The following GPCPD1 variants were observed in gnomAD, a reference collection of about 807,000 sequenced individuals.
The protein encoded by GPCPD1 is glycerophosphocholine phosphodiesterase GPCPD1.
Under a neutral mutation model 89.2 loss-of-function variants are expected in GPCPD1, and 29 were observed. That is an observed-to-expected ratio of 0.33 (90% CI 0.24 to 0.44). GPCPD1 has a LOEUF of 0.44. GPCPD1 is among the 20% of genes least tolerant of loss of function. GPCPD1 has a pLI of 1.00. For missense variants in GPCPD1, 594 were observed against 808.9 expected (o/e 0.73, Z 3.22); for synonymous variants, 258 against 266.3 (o/e 0.97, Z 0.30).
intron 8 of GPCPD1, among the ~76,000 whole-genome samples, chr20:5,577,291 G>T (rs1435515879): frequency 6.6e-6 from 1 of 151,602 alleles, no homozygotes; most frequent in East Asian, 1.9e-4. Context: ...AAAGTGCTGG[G>T]ATTACAAGCA....
At position 5,580,018 on chromosome 20, in the gene GPCPD1, A is replaced by T; in HGVS notation, c.463T>A (p.Ser155Thr). The change falls in exon 7 of 20, where the codon TCT becomes ACT. Residue 155 changes from serine to threonine, a missense_variant. Physicochemically the swap from Ser to Thr is moderately conservative, Grantham distance 58. Transcript: ENST00000379019. The part of the protein sequence containing the change: ...VSITKKKLKK[S>T]RFRVKLTLEG... ...TAAACATGGTCATACCTAAATCTAG[A>T]TTTTTTTAATTTTTTCTTGGTTATT... 2 of 1,534,180 alleles carry T rather than the reference A, an allele frequency of 1.3e-6. No homozygotes were observed. The highest frequency in any genetic ancestry group is 1.8e-6 in the Non-Finnish European group (2 of 1,111,816).
At chr20:5,604,688 C>A (rs1232761436) in intron 1 of GPCPD1, among the ~76,000 whole-genome samples, 1 of 124,740 alleles carries the variant, frequency 8.0e-6, no homozygotes, top group Non-Finnish European at 1.6e-5. Flanking sequence ...GCCTGTAATA[C>A]AAACACTTAA....
chr20:5,551,486 T>C (rs1476385567), intron 19 of GPCPD1, among the ~76,000 whole-genome samples: 1 of 152,136 alleles, frequency 6.6e-6, no homozygotes, highest in Non-Finnish European at 1.5e-5. Flanking sequence ...TGTTCCTAAA[T>C]AGCAGTCTAA....
chr20:5,554,541 T>A (rs2122548341), intron 19 of GPCPD1, among the ~76,000 whole-genome samples: 1 of 152,302 alleles, frequency 6.6e-6, no homozygotes, highest in Non-Finnish European at 1.5e-5. Flanking sequence ...AAAGTCTGGA[T>A]GACAACACAT....
At chr20:5,581,502 T>C (rs563883936) in intron 6 of GPCPD1, among the ~76,000 whole-genome samples, 12 of 152,326 alleles carry the variant, frequency 7.9e-5, no homozygotes, top group Admixed American at 5.2e-4. Flanking sequence ...CTGCAACTAG[T>C]TATGCCACTA....
In GPCPD1 at chr20:5,586,273, C is replaced by T. The variant is rs200958158; in HGVS notation, c.232-4G>A. ...CTTGACATGGACCACCGATAGTCTG[C>T]AATTTAAAAGTTAAACGTCTGCAAT... On this transcript the variant is annotated splice_region_variant and splice_polypyrimidine_tract_variant and intron_variant, in intron 4 of 19. Transcript: ENST00000379019. The T allele has an allele frequency of 1.6e-4, 241 of 1,553,514 alleles. No homozygotes were observed. Among genetic ancestry groups the T allele is most frequent in the Non-Finnish European group, 1.6e-5 (18 of 1,125,884 alleles).
rs1221725665 is a variant in GPCPD1 at position 5,557,998 on chromosome 20, A to G, written c.1776T>C (p.Pro592=). The stretch of plus-strand genomic sequence containing the variant: ...GTTCCTTCAATTTCCTTCTGTTTTC[A>G]GGATCATTGGTATCATCACCCCAGC... ...IFCWGDDTND[P]ENRRKLKELG... Residue 592 remains proline, a synonymous_variant, in exon 19 of 20, where the codon CCT becomes CCC. Transcript: ENST00000379019. 1 of 1,602,192 alleles carries G rather than the reference A, an allele frequency of 6.2e-7. No individual in the cohort carries two copies. Among genetic ancestry groups the G allele is most frequent in the Admixed American group, 1.7e-5 (1 of 59,856 alleles).
At chr20:5,590,411 T>G (rs910359821) in intron 4 of GPCPD1, among the ~76,000 whole-genome samples, 3 of 151,644 alleles carry the variant, frequency 2.0e-5, no homozygotes, top group Admixed American at 2.0e-4. Context: ...GGCATAGTGG[T>G]TGCATGCCTG....
At chr20:5,547,913 C>A (rs1253006889) in intron 19 of GPCPD1, 63 bp from the exon 20 acceptor site, 5 of 752,344 alleles carry the variant, frequency 6.6e-6, no homozygotes, top group Non-Finnish European at 1.0e-5. Context: ...CTAAGACCTG[C>A]CTGACTCAAC....
chr20:5,610,272 C>CA, intron 1 of GPCPD1, among the ~76,000 whole-genome samples: 1 of 152,300 alleles, frequency 6.6e-6, no homozygotes, highest in South Asian at 2.1e-4. Context: ...CGAGGGCACT[C>CA]ATGACTATTC....
chr20:5,561,495 G>A lies in GPCPD1; in HGVS notation c.1365C>T (p.Asn455=). ...GCTGGCAGATCCATTTTATTTCAAT[G>A]TTAAACCCTACATCTTCTGGCAAAG... is the stretch of plus-strand genomic sequence containing the variant. ...LESLPEDVGF[N]IEIKWICQQR... The change falls in exon 16 of 20, where the codon AAC becomes AAT. Residue 455 remains asparagine, a synonymous_variant. Transcript: ENST00000379019. 6.2e-7 allele frequency: 1 copy of A among 1,601,022 alleles called. No homozygotes were observed. Among genetic ancestry groups the A allele is most frequent in the Non-Finnish European group, 8.6e-7 (1 of 1,169,224 alleles).
intron 14 of GPCPD1, 55 bp downstream of exon 14, chr20:5,566,678 A>T: frequency 9.6e-7 from 1 of 1,039,914 alleles, no homozygotes; most frequent in Non-Finnish European, 1.5e-6. Flanking sequence ...CGATTTTAAA[A>T]ATCCTATTAA....
intron 12 of GPCPD1, among the ~76,000 whole-genome samples, chr20:5,569,376 G>A (rs1453907838): frequency 2.0e-5 from 3 of 152,122 alleles, no homozygotes; most frequent in South Asian, 2.1e-4. Context: ...CTAAGTCCCC[G>A]AGAAATCACT....
chr20:5,585,148 G>A (rs970070873), intron 5 of GPCPD1: 1 of 152,116 alleles, frequency 6.6e-6, no homozygotes, highest in Admixed American at 6.5e-5. Context: ...ACTGCAAGAT[G>A]CTTTAAAATA....
At chr20:5,564,389 T>C (rs1986257322) in intron 15 of GPCPD1, among the ~76,000 whole-genome samples, 1 of 151,808 alleles carries the variant, frequency 6.6e-6, no homozygotes, top group African/African-American at 2.4e-5. Context: ...CCTATACCTG[T>C]GCCCTCTCCT....
At chr20:5,583,152 A>G (rs1201709096) in intron 6 of GPCPD1, among the ~76,000 whole-genome samples, 1 of 140,234 alleles carries the variant, frequency 7.1e-6, no homozygotes, top group Non-Finnish European at 1.5e-5. Flanking sequence ...TGAACCTGGG[A>G]GGCAGAGAGT....
intron 12 of GPCPD1, among the ~76,000 whole-genome samples, chr20:5,568,856 C>A (rs1986548583): frequency 6.6e-6 from 1 of 152,034 alleles, no homozygotes; most frequent in South Asian, 2.1e-4. Flanking sequence ...GAGGTTGAGC[C>A]AAGATCACAT....
intron 11 of GPCPD1, 51 bp from the exon 12 acceptor site, chr20:5,570,290 T>A: frequency 5.8e-6 from 5 of 863,334 alleles, no homozygotes; most frequent in South Asian, 1.5e-5. Flanking sequence ...ACACAGTACC[T>A]CTCAAACTGC....
intron 12 of GPCPD1, among the ~76,000 whole-genome samples, chr20:5,569,423 A>G (rs1986580850): frequency 6.6e-6 from 1 of 151,964 alleles, no homozygotes; most frequent in Non-Finnish European, 1.5e-5. Context: ...GGACTATATC[A>G]TTATCATGAT....
Sources: gnomAD v4.1 joint callset for allele counts (sites outside exome capture counted in the v4.1 genomes callset) on GRCh38, gnomAD v4.1.1 for gene constraint, MANE v1.5 for transcripts, NCBI Gene and HGNC (gene_info 2026-07-23, HGNC 2026-07-21) for gene names.